RTL4: variants seen among roughly 807,000 people sequenced by gnomAD.
RTL4 encodes retrotransposon Gag like 4.
RTL4 carries 4 observed loss-of-function variants against 5.3 expected under a neutral mutation model. The observed-to-expected ratio is 0.75, with a 90% CI of 0.37 to 1.72. RTL4 has a LOEUF of 1.72. Among genes scored for constraint, RTL4 ranks in the 40% most tolerant of loss-of-function variants. The probability of loss-of-function intolerance (pLI) is 0.04; values close to 1 mark genes in which losing one functional copy is unlikely to be tolerated. For synonymous variants in RTL4, 98 were observed against 87.3 expected (o/e 1.12, Z -0.68); for missense variants, 260 against 227.1 (o/e 1.14, Z -0.93).
the RTL4 span, among the ~76,000 whole-genome samples, chrX:112,369,322 T>C: frequency 8.9e-6 from 1 of 111,857 alleles, no homozygotes; most frequent in African/African-American, 3.2e-5. Flanking sequence ...CATTCTGTAC[T>C]AAGAGACACC....
At chrX:112,186,366 C>A in the RTL4 span, among the ~76,000 whole-genome samples, 1 of 112,029 alleles carries the variant, frequency 8.9e-6, no homozygotes, top group African/African-American at 3.2e-5. Context: ...AATATTAGTT[C>A]TTAATGTCTG....
chrX:112,173,758 C>A, the RTL4 span, among the ~76,000 whole-genome samples: 3 of 110,065 alleles, frequency 2.7e-5, no homozygotes, highest in African/African-American at 6.6e-5. Flanking sequence ...AGGATTGAGA[C>A]TAAATGGAGA....
chrX:112,341,067 T>C, the RTL4 span, among the ~76,000 whole-genome samples: 1 of 110,617 alleles, frequency 9.0e-6, no homozygotes, highest in Non-Finnish European at 1.9e-5. Flanking sequence ...TGACATGAAA[T>C]TAACTTAAAA....
chrX:112,219,797 G>A, the RTL4 span, among the ~76,000 whole-genome samples: 2 of 111,696 alleles, frequency 1.8e-5, no homozygotes, highest in African/African-American at 6.5e-5. Context: ...TTGTAATGTG[G>A]TACATGATTA....
At chrX:112,151,651 A>G in the RTL4 span, among the ~76,000 whole-genome samples, 1 of 112,105 alleles carries the variant, frequency 8.9e-6, no homozygotes, top group South Asian at 3.7e-4. Flanking sequence ...AAGAGATTTG[A>G]TGATGTTCAG....
At chrX:112,243,956 C>G in the RTL4 span, among the ~76,000 whole-genome samples, 1 of 111,684 alleles carries the variant, frequency 9.0e-6, no homozygotes. Context: ...ATTATGTTCC[C>G]AGTAGTCATT....
At chrX:112,258,020 G>A in the RTL4 span, among the ~76,000 whole-genome samples, 3 of 108,844 alleles carry the variant, frequency 2.8e-5, no homozygotes, top group African/African-American at 1.0e-4. Flanking sequence ...ATTTGGTTGA[G>A]GGGGTGGATT....
the RTL4 span, among the ~76,000 whole-genome samples, chrX:112,248,836 A>G: frequency 1.2e-4 from 13 of 112,447 alleles, no homozygotes; most frequent in Non-Finnish European, 2.1e-4. Flanking sequence ...AATAAGTATC[A>G]TTATTTTTAG....
At chrX:112,324,964 A>G in the RTL4 span, among the ~76,000 whole-genome samples, 1 of 111,695 alleles carries the variant, frequency 9.0e-6, no homozygotes, top group Non-Finnish European at 1.9e-5. Flanking sequence ...AAGGATACAA[A>G]ATCAATATGC....
the RTL4 span, among the ~76,000 whole-genome samples, chrX:112,172,020 A>C: frequency 8.9e-6 from 1 of 112,440 alleles, no homozygotes; most frequent in Non-Finnish European, 1.9e-5. Context: ...ACAAGAAAAA[A>C]ACAAACAACT....
At chrX:112,407,685 C>T in the RTL4 span, among the ~76,000 whole-genome samples, 2 of 112,249 alleles carry the variant, frequency 1.8e-5, no homozygotes, top group Non-Finnish European at 3.8e-5. Context: ...GTGGTTATAG[C>T]AAGCCTTGTA....
At chrX:112,265,196 G>T in the RTL4 span, among the ~76,000 whole-genome samples, 11 of 112,917 alleles carry the variant, frequency 9.7e-5, no homozygotes, top group African/African-American at 3.5e-4. Flanking sequence ...AGGTAACGCT[G>T]TTCAAATCTC....
chrX:112,184,675 T>A, the RTL4 span, among the ~76,000 whole-genome samples: 1 of 111,992 alleles, frequency 8.9e-6, no homozygotes, highest in African/African-American at 3.3e-5. Flanking sequence ...AAAGTTCCCC[T>A]GGAGACTTTT....
chrX:112,226,439 G>A, the RTL4 span, among the ~76,000 whole-genome samples: 46 of 111,893 alleles, frequency 4.1e-4, no homozygotes, highest in African/African-American at 1.5e-3. Context: ...TGATCCTTAA[G>A]CAGATTTACT....
chrX:112,186,843 A>G, the RTL4 span, among the ~76,000 whole-genome samples: 40,861 of 111,317 alleles, frequency 0.37, 8,081 homozygotes, highest in African/African-American at 0.78. Flanking sequence ...ACCTTTCTGC[A>G]TTCTTCTTTG....
the RTL4 span, among the ~76,000 whole-genome samples, chrX:112,335,669 T>C: frequency 9.5e-4 from 105 of 110,509 alleles, no homozygotes; most frequent in Admixed American, 1.7e-3. Flanking sequence ...AACCCAAGGC[T>C]TATCTAAGAA....
chrX:112,328,562 G>T, the RTL4 span, among the ~76,000 whole-genome samples: 527 of 111,536 alleles, frequency 4.7e-3, 4 homozygotes, highest in Non-Finnish European at 8.0e-3. Flanking sequence ...AATAATGGGA[G>T]ACTTTAACAC....
the RTL4 span, among the ~76,000 whole-genome samples, chrX:112,281,281 T>C: frequency 9.0e-6 from 1 of 111,667 alleles, no homozygotes; most frequent in African/African-American, 3.3e-5. Context: ...TAATGTAACA[T>C]CCTCCAGGGT....
At chrX:112,225,466 T>TA in the RTL4 span, among the ~76,000 whole-genome samples, 3 of 111,780 alleles carry the variant, frequency 2.7e-5, no homozygotes, top group African/African-American at 9.8e-5. Context: ...TTCTGATGGT[T>TA]AAAAAAAGAA....
Sources: allele counts gnomAD v4.1 joint callset (sites outside exome capture counted in the v4.1 genomes callset), GRCh38; gene constraint gnomAD v4.1.1; transcripts MANE v1.5; gene names NCBI Gene and HGNC (gene_info 2026-07-23, HGNC 2026-07-21).